Variants in NTRK3 observed in about 807,000 individuals in gnomAD.
NTRK3 encodes neurotrophic receptor tyrosine kinase 3.
A neutral mutation model predicts 91.7 loss-of-function variants in NTRK3; 24 were observed. The observed-to-expected ratio is 0.26, with a 90% CI of 0.19 to 0.37. The LOEUF is 0.37. Ranked by LOEUF, NTRK3 falls within the 10% of genes least tolerant of loss-of-function variation. The probability of loss-of-function intolerance (pLI) is 1.00; values close to 1 mark genes in which losing one functional copy is unlikely to be tolerated. For synonymous variants in NTRK3, 483 were observed against 404.0 expected (o/e 1.20, Z -2.34); for missense variants, 880 against 1,068.9 (o/e 0.82, Z 2.46).
chr15:87,896,675 CT>C (rs1322966913), intron 17 of NTRK3, among the ~76,000 whole-genome samples: 1 of 151,978 alleles, frequency 6.6e-6, no homozygotes, highest in Non-Finnish European at 1.5e-5. Flanking sequence ...TTTGGATATC[CT>C]TTTGATTTCT....
At chr15:87,954,330 C>A (rs1220841091) in intron 14 of NTRK3, among the ~76,000 whole-genome samples, 4 of 152,206 alleles carry the variant, frequency 2.6e-5, no homozygotes, top group African/African-American at 7.2e-5. Flanking sequence ...TCTCTAAGTA[C>A]TTACTCATTT....
chr15:87,984,627 T>C (rs2074581123), intron 14 of NTRK3, among the ~76,000 whole-genome samples: 1 of 152,262 alleles, frequency 6.6e-6, no homozygotes, highest in Non-Finnish European at 1.5e-5. Context: ...AGGCCGTATA[T>C]GGCCTTATGA....
At chr15:88,034,132 C>T (rs1336119871) in intron 13 of NTRK3, among the ~76,000 whole-genome samples, 2 of 152,164 alleles carry the variant, frequency 1.3e-5, no homozygotes, top group East Asian at 3.9e-4. Context: ...CAGCCATCAA[C>T]CCTCCCTTGT....
chr15:87,910,005 G>C (rs1020186815), intron 17 of NTRK3, among the ~76,000 whole-genome samples: 2 of 152,298 alleles, frequency 1.3e-5, no homozygotes, highest in South Asian at 2.1e-4. Context: ...TGAACACAGA[G>C]GGCCTCATGC....
At chr15:87,942,506 C>T (rs1378349866) in intron 14 of NTRK3, among the ~76,000 whole-genome samples, 2 of 152,188 alleles carry the variant, frequency 1.3e-5, no homozygotes, top group African/African-American at 4.8e-5. Context: ...TAATCATTCC[C>T]AGGTGACTAG....
At chr15:87,907,852 C>T (rs979341940) in intron 17 of NTRK3, among the ~76,000 whole-genome samples, 3 of 152,126 alleles carry the variant, frequency 2.0e-5, no homozygotes, top group Non-Finnish European at 1.5e-5. Flanking sequence ...ATCTCCCTGC[C>T]AGAAATTACC....
At chr15:88,010,793 A>G (rs1231530094) in intron 14 of NTRK3, among the ~76,000 whole-genome samples, 1 of 152,002 alleles carries the variant, frequency 6.6e-6, no homozygotes, top group East Asian at 1.9e-4. Context: ...TCACACTAGA[A>G]GCAACCTGGG....
chr15:88,201,547 T>A (rs1042244670), intron 3 of NTRK3, among the ~76,000 whole-genome samples: 1 of 152,206 alleles, frequency 6.6e-6, no homozygotes, highest in Admixed American at 6.5e-5. Flanking sequence ...CCTCTCCTCC[T>A]GCACACCTCG....
At chr15:88,206,183 CAA>C in intron 3 of NTRK3, among the ~76,000 whole-genome samples, 1 of 134,588 alleles carries the variant, frequency 7.4e-6, no homozygotes, top group African/African-American at 2.7e-5. Flanking sequence ...ACTAAAAATA[CAA>C]AAAAAAAAAA....
At chr15:88,032,544 G>C (rs1015629827) in intron 14 of NTRK3, among the ~76,000 whole-genome samples, 1 of 152,150 alleles carries the variant, frequency 6.6e-6, no homozygotes, top group Admixed American at 6.5e-5. Flanking sequence ...ACATAGGCCA[G>C]GTCTAGAGAG....
intron 17 of NTRK3, among the ~76,000 whole-genome samples, chr15:87,899,812 A>G (rs1179506062): frequency 2.0e-5 from 3 of 152,180 alleles, no homozygotes; most frequent in Non-Finnish European, 4.4e-5. Context: ...AGGCTGCCTT[A>G]TCTAGCTTCT....
chr15:88,054,215 C>T (rs980102440), intron 13 of NTRK3, among the ~76,000 whole-genome samples: 6 of 152,176 alleles, frequency 3.9e-5, no homozygotes, highest in African/African-American at 7.2e-5. Flanking sequence ...ATGCCTATTG[C>T]GAGCAAACCA....
rs1466281982 is a variant in NTRK3 at position 88,081,131 on chromosome 15, C to T, written c.1396+45140G>A. On this transcript the variant is annotated intron_variant, in intron 13 of 18. Transcript: ENST00000394480. ...CTTGGGTTGGAAAGAAAACTGTTTC[C>T]CAAAGCTTGTTGAAATCTCCCTCCT... is the stretch of plus-strand genomic sequence containing the variant. Among the ~76,000 whole-genome samples the T allele has an allele frequency of 3.9e-5, 6 of 152,264 alleles. No individual in the cohort carries two copies. In the East Asian group the frequency reaches 9.7e-4, roughly 25 times the overall value.
At chr15:87,954,395 C>T (rs62019205) in intron 14 of NTRK3, among the ~76,000 whole-genome samples, 1 of 152,124 alleles carries the variant, frequency 6.6e-6, no homozygotes, top group African/African-American at 2.4e-5. Context: ...GCTATACCTC[C>T]TGCCTCCTGC....
intron 13 of NTRK3, among the ~76,000 whole-genome samples, chr15:88,037,620 A>G (rs891926262): frequency 6.6e-6 from 1 of 152,220 alleles, no homozygotes; most frequent in African/African-American, 2.4e-5. Flanking sequence ...TTCAAGAGAC[A>G]AATACACTGA....
intron 13 of NTRK3, among the ~76,000 whole-genome samples, chr15:88,034,483 A>G (rs1296093938): frequency 2.0e-5 from 3 of 152,226 alleles, no homozygotes; most frequent in Non-Finnish European, 4.4e-5. Flanking sequence ...AAACTCCTGT[A>G]AAGTGAATTA....
chr15:88,155,178 T>C (rs1012266770), intron 5 of NTRK3, among the ~76,000 whole-genome samples: 1 of 152,204 alleles, frequency 6.6e-6, no homozygotes, highest in African/African-American at 2.4e-5. Flanking sequence ...GAAGTTATCA[T>C]GAATTATCCC....
At chr15:87,969,297 C>T (rs145392079) in intron 14 of NTRK3, among the ~76,000 whole-genome samples, 2 of 152,288 alleles carry the variant, frequency 1.3e-5, no homozygotes, top group African/African-American at 2.4e-5. Context: ...GAGTTACTGA[C>T]GCGTGTGCCA....
intron 13 of NTRK3, among the ~76,000 whole-genome samples, chr15:88,079,007 T>C (rs2047806520): frequency 1.3e-5 from 2 of 152,178 alleles, no homozygotes; most frequent in African/African-American, 4.8e-5. Flanking sequence ...AGGACCCCTC[T>C]GGCTGCTGGG....
Sources: allele counts gnomAD v4.1 joint callset (sites outside exome capture counted in the v4.1 genomes callset), GRCh38; gene constraint gnomAD v4.1.1; transcripts MANE v1.5; gene names NCBI Gene and HGNC (gene_info 2026-07-23, HGNC 2026-07-21).